Variants in ACTA2 observed in about 807,000 individuals in gnomAD.
ACTA2 encodes actin alpha 2, smooth muscle, also known as actin, aortic smooth muscle.
In ACTA2, 12 loss-of-function variants were observed where a neutral mutation model predicts 39.5. That is an observed-to-expected ratio of 0.30 (90% CI 0.19 to 0.49). The LOEUF is 0.49. Among genes scored for constraint, ACTA2 ranks in the 20% least tolerant of loss-of-function variants. ACTA2 has a pLI of 0.99. For synonymous variants in ACTA2, 158 were observed against 180.6 expected (o/e 0.88, Z 1.00); for missense variants, 236 against 498.8 (o/e 0.47, Z 5.02).
intron 1 of ACTA2, among the ~76,000 whole-genome samples, chr10:88,952,484 G>A (rs908951395): frequency 1.3e-5 from 2 of 152,182 alleles, no homozygotes; most frequent in African/African-American, 4.8e-5. Flanking sequence ...TTTTACAGAA[G>A]ACATGCATTA....
At chr10:88,938,633 G>T (rs1256197507) in intron 7 of ACTA2, among the ~76,000 whole-genome samples, 4 of 148,604 alleles carry the variant, frequency 2.7e-5, no homozygotes. Flanking sequence ...CGTTGCATCT[G>T]CCCCAGCCCC....
At chr10:88,939,725 C>CAA in intron 6 of ACTA2, 27 bp from the exon 7 acceptor site, 2 of 1,613,200 alleles carry the variant, frequency 1.2e-6, no homozygotes, top group Non-Finnish European at 1.7e-6. Context: ...AACATTGTGG[C>CAA]AAACATTAGG....
At chr10:88,980,627 G>A (rs755357478) in intron 1 of ACTA2, among the ~76,000 whole-genome samples, 11 of 152,152 alleles carry the variant, frequency 7.2e-5, no homozygotes, top group Non-Finnish European at 8.8e-5. Context: ...GTAAGTATTC[G>A]TTTAGTTAAG....
At chr10:88,971,512 T>A (rs17447091) in intron 1 of ACTA2, among the ~76,000 whole-genome samples, 15,358 of 152,240 alleles carry the variant, frequency 0.1, 1,000 homozygotes, top group Non-Finnish European at 0.15. Context: ...TTTCCTCAAA[T>A]CCCATCTGAT....
At position 88,948,702 on chromosome 10, in the gene ACTA2, A is replaced by G. The variant is rs17114283; in HGVS notation, c.129+100T>C. The G allele has an allele frequency of 8.5e-3, 13,145 of 1,546,630 alleles. 383 individuals carry two copies. The East Asian group carries it at 0.12, about 14-fold the overall frequency. The stretch of plus-strand genomic sequence containing the variant: ...AGAGGTCTATTTGTAACAAGGTTAC[A>G]TAACTTCTGGGCAGAAAGAGATAGA... On this transcript the variant is annotated intron_variant, in intron 2 of 8. Transcript: ENST00000224784.
intron 1 of ACTA2, among the ~76,000 whole-genome samples, chr10:88,965,147 A>C (rs951663930): frequency 6.6e-6 from 1 of 151,854 alleles, no homozygotes; most frequent in East Asian, 1.9e-4. Context: ...TGCTCCAATC[A>C]CTCCAGTGAT....
At chr10:88,941,693 C>G (rs925417312) in intron 5 of ACTA2, 92 bp downstream of exon 5, 1 of 1,200,818 alleles carries the variant, frequency 8.3e-7, no homozygotes, top group African/African-American at 1.5e-5. Context: ...TCTAACTCAA[C>G]TCCAGTCCGT....
At chr10:88,952,839 A>C (rs1339808304), upstream of ACTA2, 1 of 152,434 alleles carries the variant, frequency 6.6e-6, no homozygotes, top group Non-Finnish European at 1.5e-5. Context: ...TGCTTCCCAA[A>C]CAAGGAGCAA....
chr10:88,983,628 A>C (rs952166099), intron 1 of ACTA2, among the ~76,000 whole-genome samples: 4 of 147,888 alleles, frequency 2.7e-5, no homozygotes, highest in South Asian at 2.1e-4. Context: ...AAAAAAAAAA[A>C]AAAAAAAAAA....
chr10:88,935,364 G>A lies in ACTA2; in HGVS notation c.993C>T (p.Ile331=). 1 of 1,613,766 alleles carries A rather than the reference G, an allele frequency of 6.2e-7. No homozygotes were observed. Among genetic ancestry groups the A allele is most frequent in the Non-Finnish European group, 8.5e-7 (1 of 1,179,746 alleles). Residue 331 remains isoleucine (I), a splice_region_variant and synonymous_variant, in exon 9 of 9, where the codon ATC becomes ATT. Coordinates refer to ENST00000224784, the MANE Select transcript of ACTA2 (RefSeq NM_001613.4). ...AGTATTTGCGCTCCGGAGGGGCAAT[G>A]ATCTGTCAGTCAAGATGAAAAAGAA... ...ALAPSTMKIK[I]IAPPERKYSV...
upstream of ACTA2, among the ~76,000 whole-genome samples, chr10:88,953,564 C>G (rs1846085976): frequency 6.6e-6 from 1 of 152,144 alleles, no homozygotes; most frequent in East Asian, 1.9e-4. Flanking sequence ...TCAAAGGAAG[C>G]CTCTGTAGCC....
At chr10:88,954,841 T>C (rs1319899211), upstream of ACTA2, among the ~76,000 whole-genome samples, 1 of 151,704 alleles carries the variant, frequency 6.6e-6, no homozygotes, top group African/African-American at 2.4e-5. Context: ...ATTGCCTGGG[T>C]TTGAGATTTA....
chr10:88,986,231 CT>C (rs1467889357), intron 1 of ACTA2, among the ~76,000 whole-genome samples: 1 of 152,142 alleles, frequency 6.6e-6, no homozygotes, highest in African/African-American at 2.4e-5. Context: ...AAAGTGGTCC[CT>C]ATCTTTCCTT....
intron 1 of ACTA2, among the ~76,000 whole-genome samples, chr10:88,964,063 T>A (rs1278170277): frequency 3.3e-5 from 5 of 152,020 alleles, no homozygotes. Context: ...TTTTTTATTT[T>A]ATTCTATAAT....
At chr10:88,981,626 A>C (rs975165626) in intron 1 of ACTA2, among the ~76,000 whole-genome samples, 8 of 152,152 alleles carry the variant, frequency 5.3e-5, no homozygotes, top group Admixed American at 1.3e-4. Context: ...TACCACAAGC[A>C]GTGGGGTGGG....
intron 1 of ACTA2, among the ~76,000 whole-genome samples, chr10:88,988,034 G>A (rs1386962240): frequency 1.3e-5 from 2 of 152,088 alleles, no homozygotes; most frequent in Admixed American, 6.5e-5. Flanking sequence ...CTTTTTCATG[G>A]GTCTCCAGCC....
chr10:88,981,554 G>A (rs1275340578), intron 1 of ACTA2, among the ~76,000 whole-genome samples: 1 of 152,130 alleles, frequency 6.6e-6, no homozygotes, highest in African/African-American at 2.4e-5. Flanking sequence ...TAGGACAGAG[G>A]AAGAACCAAG....
At chr10:88,943,751 G>T (rs773869947) in intron 4 of ACTA2, 46 bp downstream of exon 4, 1 of 1,529,894 alleles carries the variant, frequency 6.5e-7, no homozygotes, top group Non-Finnish European at 9.1e-7. Context: ...TCTAACAGAA[G>T]TTTCCCCAGA....
At chr10:88,968,049 T>A (rs772210249) in intron 1 of ACTA2, among the ~76,000 whole-genome samples, 3 of 152,174 alleles carry the variant, frequency 2.0e-5, no homozygotes, top group African/African-American at 7.2e-5. Flanking sequence ...TTTCTACTTG[T>A]GACCTTAAGG....
Sources: gnomAD v4.1 joint callset for allele counts (sites outside exome capture counted in the v4.1 genomes callset) on GRCh38, gnomAD v4.1.1 for gene constraint, MANE v1.5 for transcripts, NCBI Gene and HGNC (gene_info 2026-07-23, HGNC 2026-07-21) for gene names.